PRR14L: variants seen among roughly 807,000 people sequenced by gnomAD.
The protein encoded by PRR14L is protein PRR14L.
In PRR14L, 80 loss-of-function variants were observed where a neutral mutation model predicts 155.0. That is an observed-to-expected ratio of 0.52 (90% CI 0.43 to 0.62). The LOEUF is 0.62. Ranked by LOEUF, PRR14L falls within the 20% of genes least tolerant of loss-of-function variation. PRR14L has a pLI of 0.00. For missense variants in PRR14L, 2,469 were observed against 2,548.0 expected (o/e 0.97, Z 0.67); for synonymous variants, 883 against 916.0 (o/e 0.96, Z 0.65).
intron 2 of PRR14L, among the ~76,000 whole-genome samples, chr22:31,737,104 CT>C (rs1280499750): frequency 6.6e-6 from 1 of 151,140 alleles, no homozygotes; most frequent in Non-Finnish European, 1.5e-5. Flanking sequence ...TACGTGGCCC[CT>C]GATAGAAAAA....
In PRR14L at chr22:31,713,985, T is replaced by C; in HGVS notation, c.3854A>G (p.Glu1285Gly). The change falls in exon 4 of 9, where the codon GAA becomes GGA. Residue 1285 changes from glutamate (E) to glycine (G), a missense_variant. Glu to Gly is a moderately conservative substitution (Grantham distance 98). Coordinates refer to ENST00000327423, the MANE Select transcript of PRR14L (RefSeq NM_173566.3). ...ATTACTCCAATCTCTTGATACTATT[T>C]CCTTCATCTCAGGAAGGACTGTGCA... ...KDCTVLPEMK[E>G]IVSRDWSNSS... The C allele has an allele frequency of 6.4e-7, 1 of 1,551,754 alleles. No individual in the cohort carries two copies. Among genetic ancestry groups the C allele is most frequent in the Non-Finnish European group, 8.7e-7 (1 of 1,146,960 alleles).
chr22:31,721,612 A>T (rs114664526), intron 3 of PRR14L, among the ~76,000 whole-genome samples: 1 of 152,024 alleles, frequency 6.6e-6, no homozygotes, highest in African/African-American at 2.4e-5. Flanking sequence ...CTAATTGAGC[A>T]GCAGCAAGCA....
Position 31,713,400 on chromosome 22 carries a change from G to A in PRR14L, c.4439C>T (p.Thr1480Ile). Reference sequence around the variant, plus strand: ...AAGGCAAGGACTTGTGCATGACTCAGTGTCCTTCCTTAATGGATGATGTAA... The same window carrying A: ...AAGGCAAGGACTTGTGCATGACTCAATGTCCTTCCTTAATGGATGATGTAA... ...ERLHHPLRKD[T>I]ESCTSPCLLG... is the part of the protein sequence containing the mutation. Residue 1480 changes from threonine (T) to isoleucine (I), a missense_variant, in exon 4 of 9, where the codon ACT becomes ATT. By Grantham distance (89) the Thr-to-Ile change is moderately conservative. Coordinates refer to ENST00000327423, the MANE Select transcript of PRR14L (RefSeq NM_173566.3). 6.4e-7 allele frequency: 1 copy of A among 1,551,946 alleles called. No homozygotes were observed. Among genetic ancestry groups the A allele is most frequent in the Non-Finnish European group, 8.7e-7 (1 of 1,147,050 alleles).
At chr22:31,729,005 C>T (rs546524780) in intron 2 of PRR14L, among the ~76,000 whole-genome samples, 14 of 152,264 alleles carry the variant, frequency 9.2e-5, no homozygotes, top group African/African-American at 2.9e-4. Context: ...TAAATAAGAC[C>T]AATCTATTCC....
At chr22:31,729,275 A>G (rs905107860) in intron 2 of PRR14L, among the ~76,000 whole-genome samples, 1 of 152,208 alleles carries the variant, frequency 6.6e-6, no homozygotes, top group Non-Finnish European at 1.5e-5. Flanking sequence ...GTAGTGGCAC[A>G]ACCTCCGCTC....
chr22:31,682,798 C>T lies in PRR14L; in HGVS notation c.*2729G>A, dbSNP rs2074461377. On this transcript the variant is annotated 3_prime_UTR_variant, in exon 9 of 9. Transcript: ENST00000327423. ...TACTCAGAAACTGTACCAACTCCAC[C>T]CCAGAACCAGACCTCCTGTAGCTCT... 6.6e-6 allele frequency: 1 copy of T among 152,026 alleles called. No individual in the cohort carries two copies. Among genetic ancestry groups the T allele is most frequent in the Non-Finnish European group, 1.5e-5 (1 of 68,022 alleles). 9.4% of individuals were successfully genotyped at this position (152,026 alleles called of 1,614,324 possible).
chr22:31,722,092 A>C (rs1384727870), intron 3 of PRR14L, among the ~76,000 whole-genome samples: 1 of 152,202 alleles, frequency 6.6e-6, no homozygotes, highest in Non-Finnish European at 1.5e-5. Flanking sequence ...GCAAACACTT[A>C]ATGAAACAAA....
chr22:31,683,245 G>GC lies in PRR14L; in HGVS notation c.*2281dup, dbSNP rs2074463897. 1 of 152,248 alleles carries GC rather than the reference G, an allele frequency of 6.6e-6. No homozygotes were observed. Among genetic ancestry groups the GC allele is most frequent in the African/African-American group, 2.4e-5 (1 of 41,426 alleles). The allele number at this position is 152,248 out of a possible 1,614,324, so 9.4% of individuals were successfully genotyped here. Reference sequence around the variant, plus strand: ...AACAGGCACAGTTGAAACTATCTCTGCCATGTTGGTGACACTATAGCTGTG... The same window carrying GC: ...AACAGGCACAGTTGAAACTATCTCTGCCCATGTTGGTGACACTATAGCTGTG... On this transcript the variant is annotated 3_prime_UTR_variant, in exon 9 of 9. Coordinates refer to ENST00000327423, the MANE Select transcript of PRR14L (RefSeq NM_173566.3).
rs528319008 is a variant in PRR14L, at chr22:31,696,436, G to A, written c.6107+5220C>T. ...TTACAGGCATGAGCCAACGCGCCTC[G>A]CCTTATTATTAATTTTTGTAGAAAT... On this transcript the variant is annotated intron_variant, in intron 7 of 8. Coordinates refer to ENST00000327423, the MANE Select transcript of PRR14L (RefSeq NM_173566.3). Among the ~76,000 whole-genome samples, 34 of 152,152 alleles carry A rather than the reference G, an allele frequency of 2.2e-4. 1 individual carries two copies. In the South Asian group the frequency reaches 6.0e-3, roughly 27 times the overall value.
At chr22:31,697,488 C>T (rs1029823605) in intron 7 of PRR14L, among the ~76,000 whole-genome samples, 13 of 152,008 alleles carry the variant, frequency 8.6e-5, no homozygotes, top group Non-Finnish European at 1.8e-4. Flanking sequence ...ATAGCTTGTT[C>T]GTGTATTTAA....
rs1237764509 is a variant in PRR14L at position 31,685,631 on chromosome 22, C to T, written c.6352G>A (p.Ala2118Thr). ...AGSFTRAQKA[A>T]VQSRELDALL... is the part of the protein sequence containing the mutation. The stretch of plus-strand genomic sequence containing the variant: ...GCATCCAGCTCTCGACTCTGCACAG[C>T]TGCCTTCTGGGCCCTGGTAAAGCTG... The change falls in exon 9 of 9, where the codon GCT becomes ACT. Residue 2118 changes from alanine (A) to threonine (T), a missense_variant. By Grantham distance (58) the Ala-to-Thr change is moderately conservative (BLOSUM62 0). Around this residue, in one of 2 missense-constraint regions of PRR14L, gnomAD observed 106 missense variants for 176.4 expected, o/e 0.60. Coordinates refer to ENST00000327423, the MANE Select transcript of PRR14L (RefSeq NM_173566.3). The T allele has an allele frequency of 6.4e-7, 1 of 1,551,944 alleles. No homozygotes were observed. Among genetic ancestry groups the T allele is most frequent in the East Asian group, 2.4e-5 (1 of 40,926 alleles).
chr22:31,718,772 T>C (rs1014209329), intron 3 of PRR14L, among the ~76,000 whole-genome samples: 1 of 132,704 alleles, frequency 7.5e-6, no homozygotes, highest in Non-Finnish European at 1.6e-5. Context: ...AAAAGCAAAA[T>C]GCAAATCTAT....
intron 3 of PRR14L, among the ~76,000 whole-genome samples, chr22:31,724,049 G>A (rs948191535): frequency 1.3e-5 from 2 of 152,120 alleles, no homozygotes; most frequent in Admixed American, 6.6e-5. Context: ...TCATAGGAGC[G>A]TGGACCCTAT....
chr22:31,703,789 T>A, intron 5 of PRR14L, 68 bp from the exon 6 acceptor site: 1 of 993,246 alleles, frequency 1.0e-6, no homozygotes. Flanking sequence ...TTCAACTTCT[T>A]CTTCTTCATT....
In PRR14L at chr22:31,715,912, C is replaced by T. The variant is rs1316592630; in HGVS notation, c.1927G>A (p.Val643Ile). The T allele has an allele frequency of 1.9e-6, 3 of 1,551,616 alleles. No homozygotes were observed. Among genetic ancestry groups the T allele is most frequent in the Non-Finnish European group, 2.6e-6 (3 of 1,146,860 alleles). The stretch of plus-strand genomic sequence containing the variant: ...ACACATTCACTTTCTACTTTGTTTA[C>T]AACCAGTTCATTGGTACAAGAAAGT... ...NELSCTNELVVNKVESECVLN... is the reference protein window; with the variant it reads ...NELSCTNELVINKVESECVLN... The change falls in exon 4 of 9, where the codon GTA becomes ATA. Residue 643 changes from valine (V) to isoleucine (I), a missense_variant. By Grantham distance (29) the Val-to-Ile change is conservative (BLOSUM62 3). Around this residue, in one of 2 missense-constraint regions of PRR14L, gnomAD observed 2,363 missense variants for 2,371.6 expected, o/e 1.00. Coordinates refer to ENST00000327423, the MANE Select transcript of PRR14L (RefSeq NM_173566.3).
At chr22:31,735,393 A>G (rs1432655283) in intron 2 of PRR14L, among the ~76,000 whole-genome samples, 1 of 151,492 alleles carries the variant, frequency 6.6e-6, no homozygotes, top group East Asian at 1.9e-4. Context: ...GTGAACTGAG[A>G]TCGTGCCATT....
chr22:31,715,079 G>A lies in PRR14L; in HGVS notation c.2760C>T (p.Asn920=), dbSNP rs1279525406. 4 of 1,551,580 alleles carry A rather than the reference G, an allele frequency of 2.6e-6. No homozygotes were observed. Among genetic ancestry groups the A allele is most frequent in the South Asian group, 2.4e-5 (2 of 84,068 alleles). Residue 920 remains asparagine, a synonymous_variant, in exon 4 of 9, where the codon AAC becomes AAT. Coordinates refer to ENST00000327423, the MANE Select transcript of PRR14L (RefSeq NM_173566.3). ...VSKETVFCKY[N]ISDHAIQELN... The stretch of plus-strand genomic sequence containing the variant: ...GTTCTTGTATAGCATGATCAGAGAT[G>A]TTATACTTACAAAATACAGTTTCTT...
intron 4 of PRR14L, among the ~76,000 whole-genome samples, chr22:31,706,363 AC>A (rs1352477367): frequency 6.3e-4 from 89 of 141,568 alleles, no homozygotes; most frequent in African/African-American, 2.3e-3. Context: ...ACTCTATCTC[AC>A]AAAAAAAAAA....
At chr22:31,685,982 T>C (rs1828448883) in intron 8 of PRR14L, among the ~76,000 whole-genome samples, 179 bp from the exon 9 acceptor site, 2 of 152,150 alleles carry the variant, frequency 1.3e-5, no homozygotes, top group Admixed American at 1.3e-4. Context: ...TTGCCCAGGC[T>C]GGAGCGCAAT....
Sources: allele counts gnomAD v4.1 joint callset (sites outside exome capture counted in the v4.1 genomes callset), GRCh38; gene constraint gnomAD v4.1.1; regional missense constraint gnomAD v4.1.1; transcripts MANE v1.5; gene names NCBI Gene and HGNC (gene_info 2026-07-23, HGNC 2026-07-21).